The following IQCM variants were observed in gnomAD, a reference collection of about 807,000 sequenced individuals.
IQCM encodes the protein IQ motif containing M.
In IQCM, 45 loss-of-function variants were observed where a neutral mutation model predicts 57.6. That is an observed-to-expected ratio of 0.78 (90% confidence interval 0.62 to 1.00). IQCM has a LOEUF of 1.00. Ranked by LOEUF, IQCM falls within the 50% of genes least tolerant of loss-of-function variation. IQCM has a pLI of 0.00. For synonymous variants in IQCM, 148 were observed against 158.9 expected (o/e 0.93, Z 0.51); for missense variants, 468 against 511.6 (o/e 0.91, Z 0.82).
intron 13 of IQCM, chr4:149,430,063 A>C (rs1320372834): frequency 8.4e-7 from 1 of 1,195,180 alleles, no homozygotes; most frequent in Non-Finnish European, 1.0e-6. Flanking sequence ...CAGGTTCTTA[A>C]TTCATCTTAT....
At chr4:149,733,654 C>T in intron 4 of IQCM, 146 bp from the exon 5 acceptor site, 1 of 407,598 alleles carries the variant, frequency 2.5e-6, no homozygotes, top group Non-Finnish European at 4.2e-6. Context: ...AAGACATTTA[C>T]TCTAATGTAA....
intron 7 of IQCM, among the ~76,000 whole-genome samples, chr4:149,649,825 T>C (rs1290110558): frequency 6.6e-6 from 1 of 152,192 alleles, no homozygotes; most frequent in Admixed American, 6.5e-5. Flanking sequence ...ATAATCACTG[T>C]CAGGTCTCCA....
At chr4:149,443,642 G>C (rs1332728430) in intron 12 of IQCM, among the ~76,000 whole-genome samples, 4 of 110,828 alleles carry the variant, frequency 3.6e-5, no homozygotes, top group Non-Finnish European at 7.5e-5. Context: ...AATAACTAAA[G>C]AATCAAGAAG....
chr4:149,516,913 G>A (rs747275737), intron 12 of IQCM, among the ~76,000 whole-genome samples: 31 of 151,794 alleles, frequency 2.0e-4, no homozygotes, highest in African/African-American at 5.1e-4. Flanking sequence ...TGATTGACCC[G>A]GAATATCAAG....
chr4:149,656,799 A>AT (rs1414519412), intron 7 of IQCM, among the ~76,000 whole-genome samples: 5 of 151,804 alleles, frequency 3.3e-5, no homozygotes, highest in Non-Finnish European at 5.9e-5. Context: ...TGAACTGGAC[A>AT]TTTTTTTTCC....
intron 7 of IQCM, among the ~76,000 whole-genome samples, chr4:149,671,491 G>A (rs1003021737): frequency 6.6e-5 from 10 of 152,074 alleles, no homozygotes; most frequent in Non-Finnish European, 1.0e-4. Context: ...GTTCTGCTCT[G>A]ATCTTAGTTA....
intron 13 of IQCM, among the ~76,000 whole-genome samples, chr4:149,380,138 C>G (rs940347285): frequency 2.0e-5 from 3 of 152,126 alleles, no homozygotes; most frequent in Admixed American, 1.3e-4. Context: ...GTAAATTGCC[C>G]AGTCTCAGCT....
chr4:149,787,264 C>G (rs1194462821), intron 2 of IQCM, among the ~76,000 whole-genome samples: 1 of 151,034 alleles, frequency 6.6e-6, no homozygotes, highest in African/African-American at 2.4e-5. Context: ...CCTGCACATT[C>G]TGCACATGTA....
At chr4:149,470,939 T>C (rs541180897) in intron 12 of IQCM, among the ~76,000 whole-genome samples, 1 of 152,202 alleles carries the variant, frequency 6.6e-6, no homozygotes, top group South Asian at 2.1e-4. Context: ...AGACACAACA[T>C]ACCAGAATCT....
intron 9 of IQCM, among the ~76,000 whole-genome samples, chr4:149,581,783 C>G (rs1289398421): frequency 4.0e-5 from 6 of 151,594 alleles, no homozygotes; most frequent in African/African-American, 1.5e-4. Flanking sequence ...GCATCTGTTT[C>G]TTTCCTCTGT....
intron 5 of IQCM, among the ~76,000 whole-genome samples, chr4:149,705,821 G>T (rs1764113336): frequency 1.3e-5 from 2 of 151,704 alleles, no homozygotes; most frequent in African/African-American, 4.8e-5. Context: ...TGTTCTTTCT[G>T]AAGTTTTATT....
chr4:149,604,987 G>T (rs1754646832), intron 8 of IQCM, among the ~76,000 whole-genome samples: 1 of 152,100 alleles, frequency 6.6e-6, no homozygotes, highest in Non-Finnish European at 1.5e-5. Context: ...GTATTCACTT[G>T]TGTGATTTCA....
intron 12 of IQCM, among the ~76,000 whole-genome samples, chr4:149,452,390 A>G (rs1737213709): frequency 6.6e-6 from 1 of 151,456 alleles, no homozygotes; most frequent in East Asian, 1.9e-4. Context: ...AGCCAAAATA[A>G]CTTTGAAAAA....
intron 13 of IQCM, among the ~76,000 whole-genome samples, chr4:149,431,431 T>C (rs1190535518): frequency 6.6e-6 from 1 of 151,966 alleles, no homozygotes; most frequent in African/African-American, 2.4e-5. Context: ...GGTACACATC[T>C]TCTTATGGAC....
At chr4:149,607,183 C>T (rs1034776405) in intron 8 of IQCM, among the ~76,000 whole-genome samples, 2 of 151,884 alleles carry the variant, frequency 1.3e-5, no homozygotes, top group African/African-American at 4.8e-5. Flanking sequence ...AAAAGCAAAT[C>T]ACATATAAAG....
At chr4:149,739,798 C>A (rs1208878166) in intron 3 of IQCM, among the ~76,000 whole-genome samples, 1 of 152,022 alleles carries the variant, frequency 6.6e-6, no homozygotes, top group East Asian at 1.9e-4. Context: ...CCAAATATTT[C>A]ACTAGCCTAA....
chr4:149,455,958 G>A (rs932183460), intron 12 of IQCM, among the ~76,000 whole-genome samples: 6 of 151,784 alleles, frequency 4.0e-5, no homozygotes, highest in African/African-American at 1.5e-4. Context: ...CTGGGTAACA[G>A]AATGAGACCT....
chr4:149,743,924 T>C (rs891655035), intron 2 of IQCM, among the ~76,000 whole-genome samples: 2 of 152,192 alleles, frequency 1.3e-5, no homozygotes, highest in Non-Finnish European at 2.9e-5. Flanking sequence ...TTTAGCAGAG[T>C]TCCATGGAGA....
At chr4:149,636,192 CCA>C (rs1353536489) in intron 7 of IQCM, among the ~76,000 whole-genome samples, 3 of 152,134 alleles carry the variant, frequency 2.0e-5, no homozygotes, top group African/African-American at 7.2e-5. Context: ...ACAAACTCCT[CCA>C]CAGAGATGGA....
Sources: gnomAD v4.1 joint callset for allele counts (sites outside exome capture counted in the v4.1 genomes callset) on GRCh38, gnomAD v4.1.1 for gene constraint, MANE v1.5 for transcripts, NCBI Gene and HGNC (gene_info 2026-07-23, HGNC 2026-07-21) for gene names.